The following METTL15 variants were observed in gnomAD, a reference collection of about 807,000 sequenced individuals.
METTL15 encodes the protein 12S rRNA N(4)-cytidine methyltransferase METTL15.
In METTL15, 34 loss-of-function variants were observed where a neutral mutation model predicts 38.3. The ratio of observed to expected loss-of-function variants is 0.89; its 90% CI spans 0.68 to 1.18. The LOEUF (loss-of-function observed/expected upper bound fraction) is 1.18, where lower values mean the gene tolerates loss of function less well. Among genes scored for constraint, METTL15 ranks in the 50% most tolerant of loss-of-function variants. METTL15 has a pLI of 0.00. For missense variants in METTL15, 438 were observed against 498.4 expected (o/e 0.88, Z 1.15); for synonymous variants, 162 against 170.9 (o/e 0.95, Z 0.41).
downstream of METTL15, among the ~76,000 whole-genome samples, chr11:28,528,254 T>C (rs369628822): frequency 7.2e-5 from 11 of 152,292 alleles, no homozygotes; most frequent in African/African-American, 2.6e-4. Context: ...TTTTGAAGGC[T>C]TCTGACCAGT....
At chr11:28,245,270 A>G (rs1854463617) in intron 4 of METTL15, among the ~76,000 whole-genome samples, 1 of 152,176 alleles carries the variant, frequency 6.6e-6, no homozygotes, top group Admixed American at 6.5e-5. Context: ...GAGAATAATT[A>G]TCTGCCTCGT....
At chr11:28,432,456 G>A (rs1342208249) in intron 6 of METTL15, among the ~76,000 whole-genome samples, 5 of 152,170 alleles carry the variant, frequency 3.3e-5, no homozygotes, top group Non-Finnish European at 7.3e-5. Context: ...TGTATTGGAG[G>A]AAAGAGAAGT....
At chr11:28,217,397 G>C (rs1452198332) in intron 4 of METTL15, among the ~76,000 whole-genome samples, 5 of 152,050 alleles carry the variant, frequency 3.3e-5, no homozygotes, top group African/African-American at 1.2e-4. Flanking sequence ...TTGCCCACTT[G>C]TTGAAGGGGT....
chr11:28,255,442 T>C (rs1854932316), intron 4 of METTL15, among the ~76,000 whole-genome samples: 6 of 152,194 alleles, frequency 3.9e-5, no homozygotes, highest in Admixed American at 1.3e-4. Context: ...CTTTGTTTCT[T>C]TCTTTTGTCT....
intron 4 of METTL15, among the ~76,000 whole-genome samples, chr11:28,247,987 T>C (rs1020040713): frequency 9.9e-5 from 15 of 152,108 alleles, no homozygotes; most frequent in African/African-American, 3.4e-4. Context: ...GTCTTTGGGC[T>C]TTCAAATTCT....
At chr11:28,470,113 A>G (rs560485202) in intron 6 of METTL15, among the ~76,000 whole-genome samples, 1 of 152,300 alleles carries the variant, frequency 6.6e-6, no homozygotes, top group South Asian at 2.1e-4. Flanking sequence ...GTAGCAGGCC[A>G]TTGGTAATAA....
At chr11:28,292,231 C>T (rs971715748) in intron 5 of METTL15, among the ~76,000 whole-genome samples, 1 of 133,436 alleles carries the variant, frequency 7.5e-6, no homozygotes, top group African/African-American at 2.8e-5. Flanking sequence ...ACAACAGGCC[C>T]CAGTGTGTGA....
chr11:28,268,196 CAAAAA>C (rs71050954), intron 4 of METTL15, among the ~76,000 whole-genome samples: 1 of 64,164 alleles, frequency 1.6e-5, no homozygotes, highest in Non-Finnish European at 2.6e-5. Context: ...GACTCCGTCT[CAAAAA>C]AAAAAAAAAA....
chr11:28,291,936 A>G (rs1856532235), intron 5 of METTL15, among the ~76,000 whole-genome samples: 1 of 152,148 alleles, frequency 6.6e-6, no homozygotes, highest in African/African-American at 2.4e-5. Context: ...ATTAATACCT[A>G]ATGGATGAAA....
At chr11:28,114,567 G>A (rs959910333) in intron 3 of METTL15, among the ~76,000 whole-genome samples, 3 of 151,904 alleles carry the variant, frequency 2.0e-5, no homozygotes, top group Non-Finnish European at 4.4e-5. Context: ...TCTCTTGCCT[G>A]AGCCTCCCAA....
intron 4 of METTL15, among the ~76,000 whole-genome samples, chr11:28,233,017 A>G (rs1449352095): frequency 6.6e-6 from 1 of 152,086 alleles, no homozygotes; most frequent in African/African-American, 2.4e-5. Context: ...TATGCAAGGA[A>G]TTGAAGCGGA....
intron 6 of METTL15, among the ~76,000 whole-genome samples, chr11:28,526,138 G>A (rs553579618): frequency 2.6e-5 from 4 of 152,260 alleles, no homozygotes; most frequent in East Asian, 1.9e-4. Flanking sequence ...AGTGCCACAC[G>A]CAGCCCCAGT....
intron 5 of METTL15, among the ~76,000 whole-genome samples, chr11:28,371,189 A>T (rs1203261030): frequency 2.0e-5 from 3 of 151,886 alleles, no homozygotes; most frequent in Non-Finnish European, 2.9e-5. Context: ...TGAGTCTTTA[A>T]TCCATTTTGA....
At chr11:28,148,153 T>G (rs1177507729) in intron 3 of METTL15, among the ~76,000 whole-genome samples, 2 of 151,968 alleles carry the variant, frequency 1.3e-5, no homozygotes, top group Non-Finnish European at 2.9e-5. Flanking sequence ...AGTTTTTCAT[T>G]TGCTAGCAAA....
chr11:28,237,204 C>G (rs2133895407), intron 4 of METTL15, among the ~76,000 whole-genome samples: 1 of 152,300 alleles, frequency 6.6e-6, no homozygotes, highest in Admixed American at 6.5e-5. Context: ...TGTTTTCCAA[C>G]TTGGTTCCAT....
chr11:28,461,642 CAA>C (rs201139308), intron 6 of METTL15, among the ~76,000 whole-genome samples: 33 of 149,720 alleles, frequency 2.2e-4, no homozygotes, highest in African/African-American at 8.1e-4. Context: ...CAGAGAATTA[CAA>C]AAAAAAAGAG....
chr11:28,377,911 T>C (rs1220015158), intron 5 of METTL15, among the ~76,000 whole-genome samples: 1 of 152,108 alleles, frequency 6.6e-6, no homozygotes, highest in Admixed American at 6.6e-5. Context: ...TGGAGTACCC[T>C]GCAGTGTGAG....
intron 4 of METTL15, among the ~76,000 whole-genome samples, chr11:28,271,198 G>GC: frequency 6.6e-6 from 1 of 152,080 alleles, no homozygotes; most frequent in East Asian, 1.9e-4. Context: ...ACCCCACCTA[G>GC]CAATCCCACA....
At chr11:28,430,157 C>T (rs1457096164) in intron 6 of METTL15, among the ~76,000 whole-genome samples, 3 of 151,752 alleles carry the variant, frequency 2.0e-5, no homozygotes, top group African/African-American at 7.3e-5. Flanking sequence ...GCCCCTCCGC[C>T]CGGCAGCTGC....
Sources: allele counts gnomAD v4.1 joint callset (sites outside exome capture counted in the v4.1 genomes callset), GRCh38; gene constraint gnomAD v4.1.1; transcripts MANE v1.5; gene names NCBI Gene and HGNC (gene_info 2026-07-23, HGNC 2026-07-21).